TRARG1: variants seen among roughly 807,000 people sequenced by gnomAD.
TRARG1 encodes the protein trafficking regulator of GLUT4 (SLC2A4) 1 (gene/pseudogene).
TRARG1 carries 16 observed loss-of-function variants against 13.3 expected under a neutral mutation model. The ratio of observed to expected loss-of-function variants is 1.20; its 90% confidence interval spans 0.81 to 1.83. The LOEUF (loss-of-function observed/expected upper bound fraction) is 1.83, where lower values mean the gene tolerates loss of function less well. Among genes scored for constraint, TRARG1 ranks in the 40% most tolerant of loss-of-function variants. The probability of loss-of-function intolerance (pLI) is 0.00; values close to 1 mark genes in which losing one functional copy is unlikely to be tolerated. For synonymous variants in TRARG1, 113 were observed against 106.2 expected (o/e 1.06, Z -0.39); for missense variants, 250 against 237.4 (o/e 1.05, Z -0.35).
At position 1,299,104 on chromosome 17, in the gene TRARG1, G is replaced by T. The variant is rs1002561708; in HGVS notation, c.*840G>T. 1.3e-5 allele frequency: 2 copies of T among 152,346 alleles called. No homozygotes were observed. The highest frequency in any genetic ancestry group is 2.9e-5 in the Non-Finnish European group (2 of 68,134). The allele number at this position is 152,346 out of a possible 1,614,324, so 9.4% of individuals were successfully genotyped here. On this transcript the variant is annotated 3_prime_UTR_variant, in exon 3 of 3. Transcript: ENST00000333813. ...GACCTGGCCAAGGTCAGCCAGCGGG[G>T]AGGGCCGAGGTCTGAGCTCTCGTCC...
At chr17:1,282,069 C>CAT (rs765674152) in intron 1 of TRARG1, among the ~76,000 whole-genome samples, 1 of 149,844 alleles carries the variant, frequency 6.7e-6, no homozygotes, top group Non-Finnish European at 1.5e-5. Context: ...CATGTATACA[C>CAT]ATATATACAT....
rs149502357 is a variant in TRARG1 at position 1,287,814 on chromosome 17, G to A, written c.387+7426G>A. ...ACTACAGGCATATGCCATCAAGCCCGGCTGATATTTGTATTTTTAGTAGAG... is the reference window on the plus strand; with the variant it reads ...ACTACAGGCATATGCCATCAAGCCCAGCTGATATTTGTATTTTTAGTAGAG... On this transcript the variant is annotated intron_variant, in intron 1 of 2. Transcript: ENST00000333813. Among the ~76,000 whole-genome samples the A allele has an allele frequency of 2.4e-3, 363 of 152,126 alleles. 2 individuals carry two copies. The highest frequency in any genetic ancestry group is 3.6e-3 in the Non-Finnish European group (246 of 67,994).
rs200837538 is a variant in TRARG1 at position 1,282,291 on chromosome 17, T to C, written c.387+1903T>C. Among the ~76,000 whole-genome samples the C allele has an allele frequency of 2.7e-3, 413 of 150,388 alleles. 4 individuals carry two copies. The highest frequency in any genetic ancestry group is 8.3e-3 in the East Asian group (40 of 4,816). ...ATATATGCACGTATATGTACATATA[T>C]GTACGTATATGTACATATGCGTATA... is the stretch of plus-strand genomic sequence containing the variant. On this transcript the variant is annotated intron_variant, in intron 1 of 2. Coordinates refer to ENST00000333813, the MANE Select transcript of TRARG1 (RefSeq NM_172367.3).
At chr17:1,297,810 G>A (rs988429197) in intron 2 of TRARG1, among the ~76,000 whole-genome samples, 6 of 151,990 alleles carry the variant, frequency 3.9e-5, no homozygotes, top group Non-Finnish European at 8.8e-5. Context: ...TCACCACGTT[G>A]GTCAGGCTGG....
intron 2 of TRARG1, 90 bp downstream of exon 2, chr17:1,295,713 T>G (rs1401667535): frequency 1.4e-6 from 2 of 1,445,316 alleles, no homozygotes; most frequent in South Asian, 1.4e-5. Context: ...GCAGAGGTGG[T>G]GGGTTGGGGG....
rs755077393 is a variant in TRARG1 at position 1,280,041 on chromosome 17, G to A, written c.40G>A (p.Glu14Lys). Residue 14 changes from glutamate (E) to lysine (K), a missense_variant, in exon 1 of 3, where the codon GAG becomes AAG. Glu to Lys is a moderately conservative substitution (Grantham distance 56). Transcript: ENST00000333813. ...PVQSEFPSAQ[E>K]PGSAAFLDLP... ...GCAGTCCGAGTTTCCTTCAGCACAG[G>A]AGCCAGGCTCCGCCGCATTCCTGGA... 1 of 1,613,308 alleles carries A rather than the reference G, an allele frequency of 6.2e-7. No individual in the cohort carries two copies. The highest frequency in any genetic ancestry group is 1.7e-5 in the Admixed American group (1 of 60,030).
intron 1 of TRARG1, among the ~76,000 whole-genome samples, chr17:1,281,626 G>A (rs1176646962): frequency 2.6e-5 from 4 of 152,146 alleles, no homozygotes; most frequent in Non-Finnish European, 4.4e-5. Context: ...GGGGCCTTCC[G>A]GGCAGCTCTC....
intron 1 of TRARG1, among the ~76,000 whole-genome samples, chr17:1,282,301 T>C (rs1185508464): frequency 2.6e-5 from 4 of 151,868 alleles, no homozygotes; most frequent in Non-Finnish European, 4.4e-5. Flanking sequence ...TGTACGTATA[T>C]GTACATATGC....
chr17:1,288,048 C>T (rs117777714), intron 1 of TRARG1, among the ~76,000 whole-genome samples: 9 of 152,118 alleles, frequency 5.9e-5, no homozygotes, highest in African/African-American at 1.4e-4. Flanking sequence ...CTCTGTTGCC[C>T]GGGGACATCA....
intron 1 of TRARG1, among the ~76,000 whole-genome samples, chr17:1,293,720 T>C (rs2072091192): frequency 1.3e-5 from 2 of 151,684 alleles, no homozygotes; most frequent in Non-Finnish European, 2.9e-5. Flanking sequence ...ATGTCACAGG[T>C]TGAATTTGAT....
chr17:1,297,824 C>T (rs916953995), intron 2 of TRARG1, among the ~76,000 whole-genome samples: 4 of 152,060 alleles, frequency 2.6e-5, no homozygotes, highest in South Asian at 4.1e-4. Context: ...AGGCTGGCCT[C>T]GAACTCCTGA....
At chr17:1,289,726 C>T (rs1598192362) in intron 1 of TRARG1, among the ~76,000 whole-genome samples, 1 of 151,898 alleles carries the variant, frequency 6.6e-6, no homozygotes, top group African/African-American at 2.4e-5. Context: ...TTTCCATCTG[C>T]CCCTGGATGG....
intron 1 of TRARG1, among the ~76,000 whole-genome samples, chr17:1,286,432 T>G (rs1161690637): frequency 1.5e-5 from 2 of 131,464 alleles, no homozygotes; most frequent in African/African-American, 3.5e-5. Flanking sequence ...CTGTGGGGTG[T>G]TGTTGTCGGC....
At position 1,295,611 on chromosome 17, in the gene TRARG1, G is replaced by A. The variant is rs1378961733; in HGVS notation, c.508G>A (p.Val170Ile). ...CGTCATTATCATGGTGGCCGTGACC[G>A]TCAACTTCACAGGTGAGACCCAGCT... is the stretch of plus-strand genomic sequence containing the variant. ...GIVIIMVAVT[V>I]NFTVQKK Residue 170 changes from valine to isoleucine, a missense_variant, in exon 2 of 3, where the codon GTC (valine) becomes ATC (isoleucine). Physicochemically the swap from Val to Ile is conservative, Grantham distance 29. Coordinates refer to ENST00000333813, the MANE Select transcript of TRARG1 (RefSeq NM_172367.3). 10 of 1,611,146 alleles carry A rather than the reference G, an allele frequency of 6.2e-6. No individual in the cohort carries two copies. The highest frequency in any genetic ancestry group is 1.6e-4 in the Middle Eastern group (1 of 6,078).
At chr17:1,289,714 T>A (rs887323311) in intron 1 of TRARG1, among the ~76,000 whole-genome samples, 3 of 151,638 alleles carry the variant, frequency 2.0e-5, no homozygotes, top group African/African-American at 7.3e-5. Context: ...GGACCTTTCC[T>A]CTTTCCATCT....
intron 2 of TRARG1, among the ~76,000 whole-genome samples, chr17:1,297,000 G>A (rs2072116814): frequency 1.3e-5 from 2 of 152,106 alleles, no homozygotes; most frequent in Admixed American, 1.3e-4. Flanking sequence ...CATGCAGCTT[G>A]GTGAGGTGAC....
chr17:1,294,626 C>G (rs2072097706), intron 1 of TRARG1, among the ~76,000 whole-genome samples: 1 of 151,428 alleles, frequency 6.6e-6, no homozygotes, highest in Admixed American at 6.6e-5. Flanking sequence ...ACCACCATGC[C>G]CAGCTAATTT....
intron 1 of TRARG1, among the ~76,000 whole-genome samples, chr17:1,283,585 T>G (rs1008157560): frequency 6.6e-6 from 1 of 151,396 alleles, no homozygotes; most frequent in African/African-American, 2.4e-5. Flanking sequence ...GGCGGGTGGA[T>G]CTCCTGAGAT....
At chr17:1,282,224 G>GCGTATATGTACGTATGCA (rs2071984106) in intron 1 of TRARG1, among the ~76,000 whole-genome samples, 3 of 115,614 alleles carry the variant, frequency 2.6e-5, no homozygotes, top group East Asian at 5.7e-4. Flanking sequence ...GTATACACGT[G>GCGTATATGTACGTATGCA]CGTATATGTA....
Sources: gnomAD v4.1 joint callset for allele counts (sites outside exome capture counted in the v4.1 genomes callset) on GRCh38, gnomAD v4.1.1 for gene constraint, MANE v1.5 for transcripts, NCBI Gene and HGNC (gene_info 2026-07-23, HGNC 2026-07-21) for gene names.